Variants in CSMD1 observed in about 807,000 individuals in gnomAD.
CSMD1 encodes the protein CUB and Sushi multiple domains 1, also known as CUB and sushi domain-containing protein 1.
CSMD1 carries 213 observed loss-of-function variants against 417.5 expected under a neutral mutation model. That is an observed-to-expected ratio of 0.51 (90% CI 0.46 to 0.57). The LOEUF (loss-of-function observed/expected upper bound fraction) is 0.57, where lower values mean the gene tolerates loss of function less well. Among genes scored for constraint, CSMD1 ranks in the 20% least tolerant of loss-of-function variants. The probability of loss-of-function intolerance (pLI) is 0.00; values close to 1 mark genes in which losing one functional copy is unlikely to be tolerated. For missense variants in CSMD1, 6,923 were observed against 4,529.7 expected (o/e 1.53, Z -15.17); for synonymous variants, 2,862 against 1,736.8 (o/e 1.65, Z -16.11).
At chr8:3,121,585 A>T (rs1057001621) in intron 41 of CSMD1, among the ~76,000 whole-genome samples, 5 of 152,198 alleles carry the variant, frequency 3.3e-5, no homozygotes, top group African/African-American at 1.2e-4. Flanking sequence ...CATTACTAAC[A>T]GAGCTTTGGG....
At chr8:4,570,076 G>A (rs1277964261) in intron 2 of CSMD1, among the ~76,000 whole-genome samples, 3 of 152,160 alleles carry the variant, frequency 2.0e-5, no homozygotes, top group South Asian at 2.1e-4. Context: ...CAATCACGTC[G>A]TCTGCAAACA....
chr8:4,939,082 C>T (rs59235315), intron 1 of CSMD1, among the ~76,000 whole-genome samples: 339 of 152,310 alleles, frequency 2.2e-3, no homozygotes, highest in African/African-American at 7.8e-3. Flanking sequence ...ATTCTCCCCC[C>T]TCTGCGGGTT....
chr8:3,428,530 C>A (rs1012646241), intron 12 of CSMD1, among the ~76,000 whole-genome samples: 2 of 152,144 alleles, frequency 1.3e-5, no homozygotes, highest in East Asian at 1.9e-4. Flanking sequence ...ACTTTCATAG[C>A]AACCCTTAAA....
chr8:4,181,952 G>C (rs1488888495), intron 3 of CSMD1, among the ~76,000 whole-genome samples: 1 of 35,920 alleles, frequency 2.8e-5, no homozygotes, highest in Non-Finnish European at 5.5e-5. Flanking sequence ...GTTTGTCTGT[G>C]TCTGCGTGTG....
intron 3 of CSMD1, among the ~76,000 whole-genome samples, chr8:4,389,231 T>C (rs1028276794): frequency 2.6e-5 from 4 of 152,152 alleles, no homozygotes; most frequent in African/African-American, 9.7e-5. Context: ...CAATACTTTC[T>C]CTCCTCTTTG....
intron 5 of CSMD1, among the ~76,000 whole-genome samples, chr8:3,794,475 T>C (rs985624530): frequency 6.6e-6 from 1 of 152,146 alleles, no homozygotes; most frequent in Non-Finnish European, 1.5e-5. Flanking sequence ...AATCAACAAA[T>C]AGTTTTTCAT....
At chr8:3,986,371 G>C (rs1051841395) in intron 5 of CSMD1, among the ~76,000 whole-genome samples, 2 of 152,028 alleles carry the variant, frequency 1.3e-5, no homozygotes, top group African/African-American at 2.4e-5. Flanking sequence ...GACACCCCCA[G>C]CCAACCTTCC....
Position 3,894,898 on chromosome 8 carries a change from A to G in CSMD1, c.818+103005T>C, listed in dbSNP as rs572681227. Among the ~76,000 whole-genome samples, 15 of 152,292 alleles carry G rather than the reference A, an allele frequency of 9.8e-5. No homozygotes were observed. The East Asian group carries it at 2.7e-3, about 27-fold the overall frequency. ...TGTCTTATAAATCCTATAAAATTAC[A>G]GTGGGTTCCTAGTATTCAACACTGT... is the stretch of plus-strand genomic sequence containing the variant. On this transcript the variant is annotated intron_variant, in intron 5 of 69. Transcript: ENST00000635120.
chr8:3,019,764 T>G (rs1809201533), intron 51 of CSMD1, among the ~76,000 whole-genome samples: 2 of 152,332 alleles, frequency 1.3e-5, no homozygotes, highest in Non-Finnish European at 2.9e-5. Context: ...CATTATATAT[T>G]CTTACTACAC....
chr8:3,515,927 G>C (rs536832462), intron 10 of CSMD1, among the ~76,000 whole-genome samples: 1 of 152,292 alleles, frequency 6.6e-6, no homozygotes, highest in Non-Finnish European at 1.5e-5. Context: ...CTAAAATAAT[G>C]AATACTAGTA....
chr8:3,169,254 G>C (rs1347068237), intron 37 of CSMD1, among the ~76,000 whole-genome samples: 4 of 152,176 alleles, frequency 2.6e-5, no homozygotes, highest in African/African-American at 7.2e-5. Context: ...AACCAGAGGA[G>C]ACAAGTTTCA....
intron 11 of CSMD1, among the ~76,000 whole-genome samples, chr8:3,479,920 A>G (rs1193070664): frequency 6.6e-6 from 1 of 152,260 alleles, no homozygotes; most frequent in Non-Finnish European, 1.5e-5. Flanking sequence ...CTAAAAGGAA[A>G]TTATGGAACT....
At chr8:4,876,147 T>C (rs535031875) in intron 1 of CSMD1, among the ~76,000 whole-genome samples, 1 of 152,218 alleles carries the variant, frequency 6.6e-6, no homozygotes, top group South Asian at 2.1e-4. Context: ...GGAATACAAA[T>C]GACTGCTTAG....
At chr8:4,157,185 G>T (rs1237789587) in intron 3 of CSMD1, among the ~76,000 whole-genome samples, 1 of 152,120 alleles carries the variant, frequency 6.6e-6, no homozygotes, top group Non-Finnish European at 1.5e-5. Context: ...TGGGACAAGT[G>T]ACGATGTATG....
intron 3 of CSMD1, among the ~76,000 whole-genome samples, chr8:4,371,520 T>C (rs566770962): frequency 4.6e-5 from 7 of 152,242 alleles, no homozygotes; most frequent in Non-Finnish European, 8.8e-5. Context: ...TATTCCCTTA[T>C]GCAAAGAGAC....
chr8:4,415,986 C>G (rs1429215769), intron 3 of CSMD1, among the ~76,000 whole-genome samples: 1 of 152,126 alleles, frequency 6.6e-6, no homozygotes, highest in African/African-American at 2.4e-5. Context: ...CTGCAGTTAA[C>G]TACTTCACTT....
chr8:4,216,590 T>C (rs1314627975), intron 3 of CSMD1, among the ~76,000 whole-genome samples: 1 of 152,158 alleles, frequency 6.6e-6, no homozygotes, highest in Non-Finnish European at 1.5e-5. Context: ...GCCCTCCAGA[T>C]GGAAGGTGCT....
At chr8:4,469,431 G>A (rs1335198101) in intron 2 of CSMD1, among the ~76,000 whole-genome samples, 1 of 152,170 alleles carries the variant, frequency 6.6e-6, no homozygotes, top group African/African-American at 2.4e-5. Context: ...AGTATCATCT[G>A]GGACTGCAAA....
chr8:4,746,389 C>T, intron 1 of CSMD1, among the ~76,000 whole-genome samples: 1 of 152,296 alleles, frequency 6.6e-6, no homozygotes, highest in South Asian at 2.1e-4. Flanking sequence ...CATTATCCTG[C>T]AAATCTCATT....
Sources: allele counts gnomAD v4.1 joint callset (sites outside exome capture counted in the v4.1 genomes callset), GRCh38; gene constraint gnomAD v4.1.1; transcripts MANE v1.5; gene names NCBI Gene and HGNC (gene_info 2026-07-23, HGNC 2026-07-21).